Variants in KMT2C observed in about 807,000 individuals in gnomAD.
KMT2C encodes the protein histone-lysine N-methyltransferase 2C.
KMT2C carries 88 observed loss-of-function variants against 507.9 expected under a neutral mutation model. The ratio of observed to expected loss-of-function variants is 0.17; its 90% CI spans 0.15 to 0.21. KMT2C has a LOEUF of 0.21. Ranked by LOEUF, KMT2C falls within the 10% of genes least tolerant of loss-of-function variation. KMT2C has a pLI of 1.00. For missense variants in KMT2C, 4,954 were observed against 5,957.8 expected, an observed-to-expected ratio of 0.83 and a Z score of 5.55; for synonymous variants, 2,049 against 2,080.8, an observed-to-expected ratio of 0.98 and a Z score of 0.42.
In KMT2C at chr7:152,144,600, G is replaced by A. The variant is rs575449534; in HGVS notation, c.14343+113C>T. The A allele has an allele frequency of 7.7e-5, 80 of 1,042,010 alleles. No individual in the cohort carries two copies. Among genetic ancestry groups the A allele is most frequent in the Middle Eastern group, 2.1e-4 (1 of 4,724 alleles). The allele number at this position is 1,042,010 out of a possible 1,614,324, so 64.5% of individuals were successfully genotyped here. On this transcript the variant is annotated intron_variant, in intron 55 of 58. Transcript: ENST00000262189. This position sits in a 1 kb window ranked among gnomAD's most constrained non-coding sequence, Gnocchi z 4.4. Reference sequence around the variant, plus strand: ...GGATTTGATACGATTTTGAAAACACGTTTCTGTCCCTGCAGCTATGTGAAA... The same window carrying A: ...GGATTTGATACGATTTTGAAAACACATTTCTGTCCCTGCAGCTATGTGAAA...
At chr7:152,255,157 A>ATATGTGTGTGTGTG (rs767823858) in intron 9 of KMT2C, among the ~76,000 whole-genome samples, 1 of 128,376 alleles carries the variant, frequency 7.8e-6, no homozygotes, top group African/African-American at 3.0e-5. Flanking sequence ...ATATATATAT[A>ATATGTGTGTGTGTG]TGTGTGTGTG....
chr7:152,418,518 C>T (rs529718046), intron 1 of KMT2C, among the ~76,000 whole-genome samples: 5 of 152,170 alleles, frequency 3.3e-5, no homozygotes, highest in African/African-American at 9.6e-5. Flanking sequence ...GCAACCTCCA[C>T]CTCCCGGATT....
At chr7:152,288,232 A>T (rs2096342610) in intron 6 of KMT2C, among the ~76,000 whole-genome samples, 3 of 139,588 alleles carry the variant, frequency 2.1e-5, no homozygotes, top group African/African-American at 9.3e-5. Context: ...ACTGATTTAA[A>T]AAAAAAAAAA....
intron 6 of KMT2C, among the ~76,000 whole-genome samples, chr7:152,305,923 G>A (rs1026861503): frequency 6.6e-6 from 1 of 152,094 alleles, no homozygotes; most frequent in Admixed American, 6.5e-5. Context: ...TAAGCACTAG[G>A]TATTCTCAAT....
In KMT2C at chr7:152,263,103, T is replaced by C. The variant is rs1163316984; in HGVS notation, c.1212A>G (p.Leu404=). Reference sequence around the variant, plus strand: ...ACCCTTTGTCACACGTATCACACACTAGCATCTTGCTATCTTCTCCCGATT... The same window carrying C: ...ACCCTTTGTCACACGTATCACACACCAGCATCTTGCTATCTTCTCCCGATT... The part of the protein sequence containing the change: ...CKQSGEDSKM[L]VCDTCDKGYH... Residue 404 remains leucine (L), a synonymous_variant, in exon 9 of 59, where the codon CTA becomes CTG. Transcript: ENST00000262189. 1.2e-5 allele frequency: 20 copies of C among 1,611,860 alleles called. No individual in the cohort carries two copies. The highest frequency in any genetic ancestry group is 1.5e-5 in the Non-Finnish European group (18 of 1,179,770).
chr7:152,188,549 T>C (rs1417688575), intron 31 of KMT2C, among the ~76,000 whole-genome samples: 1 of 149,666 alleles, frequency 6.7e-6, no homozygotes, highest in Non-Finnish European at 1.5e-5. Flanking sequence ...ATGTTTCTTA[T>C]ATTTTATTCC....
rs61730545 is a variant in KMT2C at position 152,176,208 on chromosome 7, G to C, written c.9245C>G (p.Pro3082Arg). Reference protein sequence around the residue: ...MQAMIRQRSEPFFPNIDFDAI... With the variant: ...MQAMIRQRSERFFPNIDFDAI... ...ACTCCTACCAATATTAGGGAAGAACGGTTCTGATCGCTGACGAATCATGGC... is the reference window on the plus strand; with the variant it reads ...ACTCCTACCAATATTAGGGAAGAACCGTTCTGATCGCTGACGAATCATGGC... The change falls in exon 38 of 59, where the codon CCG becomes CGG. Residue 3082 changes from proline (P) to arginine (R), a missense_variant. By Grantham distance (103) the Pro-to-Arg change is moderately radical. Around this residue, in one of 29 missense-constraint regions of KMT2C, gnomAD observed 1,689 missense variants for 1,654.3 expected, o/e 1.02. Coordinates refer to ENST00000262189, the MANE Select transcript of KMT2C (RefSeq NM_170606.3). 26 of 1,605,684 alleles carry C rather than the reference G, an allele frequency of 1.6e-5. No homozygotes were observed. The highest frequency in any genetic ancestry group is 3.4e-5 in the Admixed American group (2 of 58,886).
At chr7:152,309,507 C>CTT (rs60166582) in intron 6 of KMT2C, among the ~76,000 whole-genome samples, 2,193 of 87,960 alleles carry the variant, frequency 0.025, 98 homozygotes, top group African/African-American at 0.071. Flanking sequence ...CATAAAATAA[C>CTT]TTTTTTTTTT....
chr7:152,328,636 C>T (rs2096852846), intron 3 of KMT2C, among the ~76,000 whole-genome samples: 1 of 151,946 alleles, frequency 6.6e-6, no homozygotes, highest in South Asian at 2.1e-4. Flanking sequence ...ATAATTTTTG[C>T]AACTGTGCTA....
chr7:152,145,884 T>C (rs893442707), intron 53 of KMT2C, among the ~76,000 whole-genome samples: 5 of 152,200 alleles, frequency 3.3e-5, no homozygotes, highest in East Asian at 1.9e-4. Flanking sequence ...CTGGAATACA[T>C]TGCTTGTGAA....
rs1007077470 is a variant in KMT2C at position 152,317,080 on chromosome 7, G to A, written c.390-1742C>T. ...TTGTAACAGCACTGATTAGAAAATG[G>A]AGCAATATTTTAAAGCTATTGCAGA... On this transcript the variant is annotated intron_variant, in intron 3 of 58. Coordinates refer to ENST00000262189, the MANE Select transcript of KMT2C (RefSeq NM_170606.3). Among the ~76,000 whole-genome samples, 70 of 152,044 alleles carry A rather than the reference G, an allele frequency of 4.6e-4. 1 individual carries two copies. The highest frequency in any genetic ancestry group is 3.8e-3 in the Admixed American group (58 of 15,260).
At chr7:152,161,976 T>TAGAAATG (rs1371587332) in intron 43 of KMT2C, 141 bp downstream of exon 43, 40 of 921,900 alleles carry the variant, frequency 4.3e-5, no homozygotes, top group Non-Finnish European at 5.9e-5. Context: ...TCCAGAGAGG[T>TAGAAATG]AGAAATGACA....
intron 31 of KMT2C, among the ~76,000 whole-genome samples, chr7:152,189,969 C>T (rs1005957741): frequency 2.0e-5 from 3 of 152,202 alleles, no homozygotes; most frequent in Non-Finnish European, 2.9e-5. Context: ...GGCAAGTGAC[C>T]ATTACCGCCT....
chr7:152,137,027 G>T (rs12333453), intron 58 of KMT2C, 103 bp from the exon 59 acceptor site: 2 of 839,300 alleles, frequency 2.4e-6, no homozygotes, highest in East Asian at 2.5e-5. Context: ...CGAAACAGAC[G>T]TAAATTAAGG....
intron 1 of KMT2C, among the ~76,000 whole-genome samples, chr7:152,387,392 T>C (rs2097438896): frequency 6.6e-6 from 1 of 150,586 alleles, no homozygotes; most frequent in African/African-American, 2.4e-5. Flanking sequence ...AATCACAATA[T>C]ACCTATGAAA....
chr7:152,281,018 T>C (rs889076853), intron 6 of KMT2C, among the ~76,000 whole-genome samples: 1 of 152,152 alleles, frequency 6.6e-6, no homozygotes, highest in African/African-American at 2.4e-5. Context: ...CCTCTACCTA[T>C]TGGGTCAAAG....
intron 6 of KMT2C, among the ~76,000 whole-genome samples, chr7:152,306,768 G>GT (rs2096618622): frequency 6.6e-6 from 1 of 152,158 alleles, no homozygotes; most frequent in Admixed American, 6.5e-5. Flanking sequence ...CAAATGTGTT[G>GT]TTTTATGTTT....
intron 14 of KMT2C, among the ~76,000 whole-genome samples, chr7:152,242,704 T>C (rs553946183): frequency 1.3e-5 from 2 of 152,306 alleles, no homozygotes; most frequent in Non-Finnish European, 2.9e-5. Context: ...TAATGACACG[T>C]GGAGGATAGG....
chr7:152,141,921 C>A (rs1383686616), intron 55 of KMT2C, among the ~76,000 whole-genome samples: 7 of 151,894 alleles, frequency 4.6e-5, no homozygotes, highest in African/African-American at 1.7e-4. Context: ...ACTCAGGAGG[C>A]TGAGGTAAGA....
Sources: allele counts gnomAD v4.1 joint callset (sites outside exome capture counted in the v4.1 genomes callset), GRCh38; gene constraint gnomAD v4.1.1; regional missense constraint gnomAD v4.1.1; non-coding constraint Gnocchi (gnomAD v3.1); transcripts MANE v1.5; gene names NCBI Gene and HGNC (gene_info 2026-07-23, HGNC 2026-07-21).